The following CDH13 variants were observed in gnomAD, a reference collection of about 807,000 sequenced individuals.
CDH13 encodes cadherin 13.
In CDH13, 24 loss-of-function variants were observed where a neutral mutation model predicts 63.8. That is an observed-to-expected ratio of 0.38 (90% CI 0.27 to 0.53). The LOEUF is 0.53. CDH13 is among the 20% of genes least tolerant of loss of function. The pLI is 0.85. For synonymous variants in CDH13, 503 were observed against 355.3 expected (o/e 1.42, Z -4.67); for missense variants, 1,049 against 903.1 (o/e 1.16, Z -2.07).
chr16:83,581,956 C>G (rs546346823), intron 7 of CDH13, among the ~76,000 whole-genome samples: 2 of 152,338 alleles, frequency 1.3e-5, no homozygotes, highest in African/African-American at 4.8e-5. Context: ...AATGCAGGCT[C>G]TAGGATGAGG....
At chr16:83,235,775 G>C (rs139658745) in intron 5 of CDH13, among the ~76,000 whole-genome samples, 6 of 152,190 alleles carry the variant, frequency 3.9e-5, no homozygotes, top group African/African-American at 1.2e-4. Flanking sequence ...ACTTAAGCAC[G>C]TTATATTTTA....
At chr16:82,886,736 A>C (rs931692181) in intron 2 of CDH13, among the ~76,000 whole-genome samples, 3 of 152,242 alleles carry the variant, frequency 2.0e-5, no homozygotes, top group African/African-American at 7.2e-5. Flanking sequence ...CTTAGAGCTT[A>C]CTAACTGTGA....
chr16:83,742,850 T>C (rs1912195497), intron 10 of CDH13, among the ~76,000 whole-genome samples: 1 of 152,200 alleles, frequency 6.6e-6, no homozygotes, highest in Non-Finnish European at 1.5e-5. Context: ...AAGCTGTCCT[T>C]CCAGGGCATC....
intron 7 of CDH13, among the ~76,000 whole-genome samples, chr16:83,564,247 CA>C (rs951019379): frequency 8.6e-5 from 13 of 151,826 alleles, no homozygotes; most frequent in Admixed American, 2.6e-4. Flanking sequence ...TCAAGTAGCT[CA>C]AAATCTAGCA....
chr16:83,376,233 C>T (rs2091457258), intron 6 of CDH13, among the ~76,000 whole-genome samples: 4 of 152,150 alleles, frequency 2.6e-5, no homozygotes, highest in Admixed American at 2.0e-4. Flanking sequence ...TTTAGGTATG[C>T]CTCTGTTGGC....
At chr16:83,008,514 C>T (rs1200542249) in intron 2 of CDH13, among the ~76,000 whole-genome samples, 1 of 152,172 alleles carries the variant, frequency 6.6e-6, no homozygotes, top group Non-Finnish European at 1.5e-5. Context: ...ATGCGTACAA[C>T]AAAGTATGTT....
intron 5 of CDH13, among the ~76,000 whole-genome samples, chr16:83,273,420 A>G (rs1055835667): frequency 2.6e-5 from 4 of 152,048 alleles, no homozygotes; most frequent in African/African-American, 7.2e-5. Flanking sequence ...AGTAGTGTCT[A>G]TTAGCTCCCA....
intron 7 of CDH13, among the ~76,000 whole-genome samples, chr16:83,597,441 G>C (rs377709630): frequency 3.3e-5 from 5 of 152,160 alleles, no homozygotes; most frequent in African/African-American, 1.2e-4. Context: ...GTATATAAAT[G>C]TGTATATTAA....
In CDH13 at chr16:83,609,853, C is replaced by T. The variant is rs77072102; in HGVS notation, c.1101+7259C>T. On this transcript the variant is annotated intron_variant, in intron 8 of 13. Transcript: ENST00000567109. ...ATTTTCATCGTCCCAAAAAGAAACC[C>T]GAACCCATGAGCAGTTACTCCCCAT... is the stretch of plus-strand genomic sequence containing the variant. 5.6e-3 allele frequency among the ~76,000 whole-genome samples: 855 copies of T among 152,292 alleles called. 10 individuals are homozygous for T. The highest frequency in any genetic ancestry group is 0.019 in the African/African-American group (793 of 41,564).
In CDH13 at chr16:83,047,329, A is replaced by T. The variant is rs1379797210; in HGVS notation, c.366+15111A>T. On this transcript the variant is annotated intron_variant, in intron 3 of 13. Transcript: ENST00000567109. This position sits in a 1 kb window ranked among gnomAD's most constrained non-coding sequence, Gnocchi z 4.9. ...CATTATTTCTGTCCTTGCATTGTCC[A>T]TTCTCGTAAACCGTGGTTAACACAG... 6.6e-6 allele frequency among the ~76,000 whole-genome samples: 1 copy of T among 152,154 alleles called. No individual in the cohort carries two copies. The highest frequency in any genetic ancestry group is 1.5e-5 in the Non-Finnish European group (1 of 68,042).
At chr16:82,834,175 G>T (rs2151119004) in intron 1 of CDH13, among the ~76,000 whole-genome samples, 1 of 152,308 alleles carries the variant, frequency 6.6e-6, no homozygotes, top group African/African-American at 2.4e-5. Context: ...GACCCTGGGA[G>T]ATCCATTTCT....
intron 10 of CDH13, among the ~76,000 whole-genome samples, chr16:83,741,542 T>C (rs1251320353): frequency 6.6e-6 from 1 of 151,956 alleles, no homozygotes; most frequent in African/African-American, 2.4e-5. Flanking sequence ...ATATATGCCA[T>C]ATATAGAGAT....
intron 1 of CDH13, among the ~76,000 whole-genome samples, chr16:82,638,633 A>C (rs991246073): frequency 2.0e-4 from 30 of 152,076 alleles, no homozygotes; most frequent in African/African-American, 7.3e-4. Flanking sequence ...TGCATGTCAT[A>C]ATGCGTGGAC....
intron 8 of CDH13, among the ~76,000 whole-genome samples, chr16:83,615,286 C>T (rs888542471): frequency 1.3e-5 from 2 of 152,220 alleles, no homozygotes; most frequent in Non-Finnish European, 2.9e-5. Flanking sequence ...CACGTAATTA[C>T]ACATTCTGCT....
chr16:83,572,723 C>T (rs968890932), intron 7 of CDH13, among the ~76,000 whole-genome samples: 16 of 152,168 alleles, frequency 1.1e-4, no homozygotes, highest in African/African-American at 1.9e-4. Flanking sequence ...ACATGGCATT[C>T]GTGATTTAGA....
chr16:82,909,894 C>T (rs1408091804), intron 2 of CDH13, among the ~76,000 whole-genome samples: 1 of 152,176 alleles, frequency 6.6e-6, no homozygotes, highest in African/African-American at 2.4e-5. Flanking sequence ...ATGTGGTGGA[C>T]ATTTTTCATG....
At chr16:82,795,380 G>T (rs2036531564) in intron 1 of CDH13, among the ~76,000 whole-genome samples, 1 of 152,168 alleles carries the variant, frequency 6.6e-6, no homozygotes, top group Non-Finnish European at 1.5e-5. Flanking sequence ...GCACAGCAAG[G>T]TGAGAAGCTT....
At chr16:83,369,142 CTG>C (rs1426624736) in intron 6 of CDH13, among the ~76,000 whole-genome samples, 2 of 151,488 alleles carry the variant, frequency 1.3e-5, no homozygotes, top group Non-Finnish European at 2.9e-5. Context: ...AATCTCCACA[CTG>C]TTTTTCACAG....
In CDH13 at chr16:83,549,056, C is replaced by T. The variant is rs139882523; in HGVS notation, c.961-53398C>T. 3.5e-4 allele frequency among the ~76,000 whole-genome samples: 53 copies of T among 152,260 alleles called. No homozygotes were observed. In the East Asian group the frequency reaches 8.1e-3, roughly 23 times the overall value. ...TGTGCTTGTCAGTGCTCTGACAGAT[C>T]AAGAGTGCTCTGAAAGCTCAGAGGA... On this transcript the variant is annotated intron_variant, in intron 7 of 13. Coordinates refer to ENST00000567109, the MANE Select transcript of CDH13 (RefSeq NM_001257.5).
Sources: allele counts gnomAD v4.1 joint callset (sites outside exome capture counted in the v4.1 genomes callset), GRCh38; gene constraint gnomAD v4.1.1; non-coding constraint Gnocchi (gnomAD v3.1); transcripts MANE v1.5; gene names NCBI Gene and HGNC (gene_info 2026-07-23, HGNC 2026-07-21).